Variants in OLFM2 observed in about 807,000 individuals in gnomAD.
The protein encoded by OLFM2 is noelin-2.
A neutral mutation model predicts 43.9 loss-of-function variants in OLFM2; 20 were observed. That is an observed-to-expected ratio of 0.46 (90% CI 0.32 to 0.66). The LOEUF is 0.66. Among genes scored for constraint, OLFM2 ranks in the 30% least tolerant of loss-of-function variants. The pLI is 0.04. For synonymous variants in OLFM2, 268 were observed against 278.6 expected, an observed-to-expected ratio of 0.96 and a Z score of 0.38; for missense variants, 416 against 643.6, an observed-to-expected ratio of 0.65 and a Z score of 3.83.
At chr19:9,858,157 C>T (rs2046337941) in intron 2 of OLFM2, 1 of 489,598 alleles carries the variant, frequency 2.0e-6, no homozygotes, top group Non-Finnish European at 3.8e-6. Context: ...ACACAGCAGA[C>T]AGAAGGAACT....
chr19:9,874,103 G>C (rs1280551245), intron 1 of OLFM2, among the ~76,000 whole-genome samples: 1 of 152,022 alleles, frequency 6.6e-6, no homozygotes. Context: ...CAACATCCGT[G>C]CATCCATTAC....
Position 9,857,308 on chromosome 19 carries a change from C to T in OLFM2, c.535G>A (p.Val179Met), listed in dbSNP as rs908037289. The change falls in exon 4 of 6, where the codon GTG becomes ATG. Residue 179 changes from valine to methionine, a missense_variant. Transcript: ENST00000264833. This position sits in a 1 kb window ranked among gnomAD's most constrained non-coding sequence, Gnocchi z 5.7. ...TGGAGCCGGGCCTCCAGGGCCATCA[C>T]CCGTTGCTGCAGGTCCTCATACCCG... ...AYGYEDLQQR[V>M]MALEARLHAC... The T allele has an allele frequency of 4.3e-6, 7 of 1,614,034 alleles. No individual in the cohort carries two copies. Among genetic ancestry groups the T allele is most frequent in the South Asian group, 1.1e-5 (1 of 91,086 alleles).
intron 1 of OLFM2, 27 bp downstream of exon 1, chr19:9,936,277 G>T (rs2145018012): frequency 2.0e-6 from 3 of 1,526,346 alleles, no homozygotes; most frequent in East Asian, 5.0e-5. Flanking sequence ...AGCCACCCGC[G>T]CCCGCACCTG....
At chr19:9,891,812 T>G (rs2046642511) in intron 1 of OLFM2, among the ~76,000 whole-genome samples, 1 of 152,068 alleles carries the variant, frequency 6.6e-6, no homozygotes, top group South Asian at 2.1e-4. Flanking sequence ...ACAGAGCCAG[T>G]GAGTGTGTGA....
chr19:9,855,401 C>T (rs1488109310), intron 5 of OLFM2, among the ~76,000 whole-genome samples: 5 of 151,686 alleles, frequency 3.3e-5, no homozygotes, highest in South Asian at 2.1e-4. Flanking sequence ...CCACCACACC[C>T]GGCTAATTTT....
At chr19:9,860,533 A>T in intron 2 of OLFM2, 112 bp downstream of exon 2, 2 of 1,204,808 alleles carry the variant, frequency 1.7e-6, no homozygotes, top group Non-Finnish European at 1.2e-6. Flanking sequence ...GCCAGCTCTG[A>T]ATAATTTGCA....
At chr19:9,900,198 A>C (rs1234460851) in intron 1 of OLFM2, among the ~76,000 whole-genome samples, 3 of 152,096 alleles carry the variant, frequency 2.0e-5, no homozygotes, top group African/African-American at 7.2e-5. Context: ...CCCCATGGCC[A>C]ACAGGAGGCA....
At chr19:9,887,361 T>C (rs1316841535) in intron 1 of OLFM2, among the ~76,000 whole-genome samples, 1 of 151,862 alleles carries the variant, frequency 6.6e-6, no homozygotes. Context: ...GTATTTTTAG[T>C]AGAGATGAGG....
At chr19:9,862,608 G>A (rs769052173) in intron 1 of OLFM2, among the ~76,000 whole-genome samples, 8 of 151,952 alleles carry the variant, frequency 5.3e-5, no homozygotes, top group Non-Finnish European at 1.2e-4. Flanking sequence ...TTGGGTACAG[G>A]AAGTTGAGGC....
intron 1 of OLFM2, among the ~76,000 whole-genome samples, chr19:9,890,459 C>T (rs1357701941): frequency 2.0e-5 from 3 of 152,300 alleles, no homozygotes; most frequent in East Asian, 3.9e-4. Flanking sequence ...GAATAAAGTG[C>T]GTGCATGTGG....
intron 1 of OLFM2, among the ~76,000 whole-genome samples, chr19:9,868,912 C>A (rs575603859): frequency 1.9e-4 from 28 of 149,616 alleles, no homozygotes; most frequent in Middle Eastern, 3.2e-3. Context: ...CTCCAGCCTG[C>A]GTGACAAAGT....
chr19:9,883,974 C>T (rs973384435), intron 1 of OLFM2, among the ~76,000 whole-genome samples: 5 of 152,098 alleles, frequency 3.3e-5, no homozygotes, highest in African/African-American at 1.2e-4. Flanking sequence ...AGCTTAAAAT[C>T]ACAGTAGTCT....
chr19:9,934,986 A>G (rs1243881348), intron 1 of OLFM2, among the ~76,000 whole-genome samples: 1 of 152,040 alleles, frequency 6.6e-6, no homozygotes, highest in Non-Finnish European at 1.5e-5. Flanking sequence ...CGCTGTCCAC[A>G]CCCATGGAGC....
intron 1 of OLFM2, among the ~76,000 whole-genome samples, chr19:9,934,514 G>A (rs1419947003): frequency 1.3e-5 from 2 of 151,412 alleles, no homozygotes; most frequent in African/African-American, 4.9e-5. Flanking sequence ...CCCCCTAGCA[G>A]GGAGTGGAGG....
chr19:9,921,521 C>A (rs2086419816), intron 1 of OLFM2, among the ~76,000 whole-genome samples: 1 of 150,062 alleles, frequency 6.7e-6, no homozygotes, highest in African/African-American at 2.5e-5. Flanking sequence ...CGGAGTCTCA[C>A]TCTGTCACCG....
At chr19:9,935,952 G>T (rs957828804) in intron 1 of OLFM2, among the ~76,000 whole-genome samples, 1 of 152,168 alleles carries the variant, frequency 6.6e-6, no homozygotes, top group African/African-American at 2.4e-5. Flanking sequence ...CGAAGAGGAA[G>T]TCAAGGGTAA....
intron 1 of OLFM2, among the ~76,000 whole-genome samples, chr19:9,930,746 C>T (rs935459139): frequency 6.6e-6 from 1 of 151,286 alleles, no homozygotes; most frequent in African/African-American, 2.4e-5. Flanking sequence ...CCCAGCTACT[C>T]GAGAGGCTGA....
intron 1 of OLFM2, among the ~76,000 whole-genome samples, chr19:9,931,071 T>G (rs1234300763): frequency 6.6e-6 from 1 of 151,996 alleles, no homozygotes; most frequent in Non-Finnish European, 1.5e-5. Flanking sequence ...CTCCATAATC[T>G]TAAATCCAGC....
At chr19:9,913,720 G>A in intron 1 of OLFM2, 1 of 1,053,368 alleles carries the variant, frequency 9.5e-7, no homozygotes, top group African/African-American at 1.7e-5. Context: ...GGGGGGGCGT[G>A]GGGGAGGGGG....
Sources: allele counts gnomAD v4.1 joint callset (sites outside exome capture counted in the v4.1 genomes callset), GRCh38; gene constraint gnomAD v4.1.1; non-coding constraint Gnocchi (gnomAD v3.1); transcripts MANE v1.5; gene names NCBI Gene and HGNC (gene_info 2026-07-23, HGNC 2026-07-21).